The following TMEM132C variants were observed in gnomAD, a reference collection of about 807,000 sequenced individuals.
TMEM132C encodes transmembrane protein 132C, also known as protein phosphatase 1, regulatory subunit 152.
A neutral mutation model predicts 61.4 loss-of-function variants in TMEM132C; 29 were observed. The observed-to-expected ratio is 0.47, with a 90% CI of 0.35 to 0.64. TMEM132C has a LOEUF of 0.64. TMEM132C is among the 30% of genes least tolerant of loss of function. The probability of loss-of-function intolerance (pLI) is 0.00; values close to 1 mark genes in which losing one functional copy is unlikely to be tolerated. For synonymous variants in TMEM132C, 656 were observed against 633.1 expected, an observed-to-expected ratio of 1.04 and a Z score of -0.54; for missense variants, 1,408 against 1,476.9, an observed-to-expected ratio of 0.95 and a Z score of 0.76.
intron 6 of TMEM132C, among the ~76,000 whole-genome samples, chr12:128,695,391 G>A (rs1466084438): frequency 6.6e-6 from 1 of 151,784 alleles, no homozygotes; most frequent in East Asian, 1.9e-4. Context: ...AAGCATGATA[G>A]TCCATGCCTG....
chr12:128,277,791 G>A (rs560532474), intron 1 of TMEM132C, among the ~76,000 whole-genome samples: 3 of 152,312 alleles, frequency 2.0e-5, no homozygotes, highest in South Asian at 2.1e-4. Context: ...AGGTCAGCTC[G>A]TTTCTCCTGC....
intron 2 of TMEM132C, among the ~76,000 whole-genome samples, chr12:128,521,168 G>C (rs1237786133): frequency 6.6e-6 from 1 of 152,060 alleles, no homozygotes; most frequent in Non-Finnish European, 1.5e-5. Flanking sequence ...AGAACCACTG[G>C]CATGAAAGTT....
intron 2 of TMEM132C, among the ~76,000 whole-genome samples, chr12:128,526,339 C>T (rs575235133): frequency 6.6e-6 from 1 of 152,172 alleles, no homozygotes; most frequent in South Asian, 2.1e-4. Context: ...AGTGAAGGTA[C>T]CTTCCTGGTT....
intron 1 of TMEM132C, among the ~76,000 whole-genome samples, chr12:128,405,317 A>C (rs1265173608): frequency 6.6e-6 from 1 of 152,080 alleles, no homozygotes; most frequent in Non-Finnish European, 1.5e-5. Flanking sequence ...ATGAGAGGTA[A>C]GTTTAGGGAG....
At chr12:128,355,765 C>T (rs1168984507) in intron 1 of TMEM132C, among the ~76,000 whole-genome samples, 1 of 152,040 alleles carries the variant, frequency 6.6e-6, no homozygotes, top group Admixed American at 6.6e-5. Context: ...TTTGCACATC[C>T]CTGTCCTTGC....
intron 2 of TMEM132C, among the ~76,000 whole-genome samples, chr12:128,516,402 G>A (rs764367768): frequency 2.0e-5 from 3 of 152,254 alleles, no homozygotes; most frequent in Admixed American, 1.3e-4. Context: ...CGTCCGAGGC[G>A]TTCCATAGCG....
chr12:128,563,730 G>A (rs138728122), intron 3 of TMEM132C, among the ~76,000 whole-genome samples: 2 of 152,310 alleles, frequency 1.3e-5, no homozygotes, highest in African/African-American at 2.4e-5. Context: ...TTATGGGGAT[G>A]ACAAGTAATG....
intron 4 of TMEM132C, among the ~76,000 whole-genome samples, chr12:128,634,740 A>G (rs1228285360): frequency 6.6e-6 from 1 of 152,204 alleles, no homozygotes; most frequent in African/African-American, 2.4e-5. Flanking sequence ...GACGCCATCT[A>G]TAGGGTGTTC....
intron 2 of TMEM132C, among the ~76,000 whole-genome samples, chr12:128,511,271 C>T (rs1027387218): frequency 2.0e-5 from 3 of 152,204 alleles, no homozygotes; most frequent in Admixed American, 2.0e-4. Flanking sequence ...TTTCAGGCAC[C>T]TTCCATAAAC....
chr12:128,347,393 G>GTCTCTCTCTCTCTCTC (rs1330764900), intron 1 of TMEM132C, among the ~76,000 whole-genome samples: 25 of 116,700 alleles, frequency 2.1e-4, no homozygotes, highest in African/African-American at 1.0e-3. Context: ...GCATGCATAT[G>GTCTCTCTCTCTCTCTC]TATGTCTCTC....
chr12:128,405,817 GA>G (rs1403751805), intron 1 of TMEM132C, among the ~76,000 whole-genome samples: 5 of 152,256 alleles, frequency 3.3e-5, no homozygotes, highest in Non-Finnish European at 7.4e-5. Context: ...TGAAGCTTAG[GA>G]AACACCACCC....
chr12:128,600,011 G>GT (rs779274094), intron 3 of TMEM132C, among the ~76,000 whole-genome samples: 1 of 152,096 alleles, frequency 6.6e-6, no homozygotes, highest in Non-Finnish European at 1.5e-5. Flanking sequence ...TTGAGACAGA[G>GT]TCTGGCTGTC....
At chr12:128,602,788 A>C (rs182061319) in intron 3 of TMEM132C, among the ~76,000 whole-genome samples, 1 of 152,326 alleles carries the variant, frequency 6.6e-6, no homozygotes, top group East Asian at 1.9e-4. Context: ...CCTGGGGATT[A>C]GGGTGGCTTC....
At chr12:128,603,148 G>C (rs550545523) in intron 3 of TMEM132C, among the ~76,000 whole-genome samples, 1 of 147,654 alleles carries the variant, frequency 6.8e-6, no homozygotes, top group East Asian at 1.9e-4. Flanking sequence ...GCAGTGCACG[G>C]AGAGAGTGAA....
chr12:128,631,693 G>A (rs1426645502), intron 4 of TMEM132C, among the ~76,000 whole-genome samples: 3 of 152,190 alleles, frequency 2.0e-5, no homozygotes, highest in Admixed American at 6.5e-5. Context: ...GGTTCCAGGT[G>A]CCTGAACATT....
chr12:128,612,128 T>A (rs570765221), intron 3 of TMEM132C, among the ~76,000 whole-genome samples: 1 of 152,218 alleles, frequency 6.6e-6, no homozygotes, highest in Non-Finnish European at 1.5e-5. Flanking sequence ...GTCAGAACGT[T>A]GAATCCTAAG....
intron 5 of TMEM132C, among the ~76,000 whole-genome samples, chr12:128,671,743 T>C (rs1380402996): frequency 6.6e-6 from 1 of 152,170 alleles, no homozygotes; most frequent in Non-Finnish European, 1.5e-5. Context: ...TTCCAGTAGG[T>C]GGCAGTAAAC....
chr12:128,698,393 A>G (rs1954780637), intron 8 of TMEM132C, among the ~76,000 whole-genome samples: 1 of 152,248 alleles, frequency 6.6e-6, no homozygotes, highest in East Asian at 1.9e-4. Context: ...TGATGCCATC[A>G]TTAGAACAAT....
intron 4 of TMEM132C, among the ~76,000 whole-genome samples, chr12:128,651,222 C>T (rs1381123100): frequency 6.6e-6 from 1 of 152,202 alleles, no homozygotes; most frequent in Non-Finnish European, 1.5e-5. Context: ...GTTTCCTGGT[C>T]TTGACACACA....
Sources: allele counts gnomAD v4.1 joint callset (sites outside exome capture counted in the v4.1 genomes callset), GRCh38; gene constraint gnomAD v4.1.1; transcripts MANE v1.5; gene names NCBI Gene and HGNC (gene_info 2026-07-23, HGNC 2026-07-21).